Variants in BPIFC observed in about 807,000 individuals in gnomAD.
BPIFC encodes the protein BPI fold containing family C, also known as BPI fold-containing family C protein.
Under a neutral mutation model 57.6 loss-of-function variants are expected in BPIFC, and 60 were observed. That is an observed-to-expected ratio of 1.04 (90% CI 0.85 to 1.29). The LOEUF is 1.29. Ranked by LOEUF, BPIFC falls within the 50% of genes most tolerant of loss-of-function variation. The pLI, the probability that BPIFC is intolerant of heterozygous loss-of-function variation, is 0.00. For missense variants in BPIFC, 581 were observed against 600.5 expected, an observed-to-expected ratio of 0.97 and a Z score of 0.34; for synonymous variants, 243 against 224.5, an observed-to-expected ratio of 1.08 and a Z score of -0.74.
At chr22:32,460,769 T>C (rs1935143659) in intron 2 of BPIFC, among the ~76,000 whole-genome samples, 2 of 152,254 alleles carry the variant, frequency 1.3e-5, no homozygotes, top group Non-Finnish European at 2.9e-5. Flanking sequence ...TACATATTTA[T>C]TCATGCGTGT....
intron 3 of BPIFC, 42 bp from the exon 4 acceptor site, chr22:32,453,545 A>T (rs1462704222): frequency 6.5e-7 from 1 of 1,546,530 alleles, no homozygotes; most frequent in Admixed American, 2.1e-5. Flanking sequence ...AATGACAAAG[A>T]TAATAATAGC....
At chr22:32,447,856 G>A (rs1397380804) in intron 4 of BPIFC, among the ~76,000 whole-genome samples, 2 of 151,882 alleles carry the variant, frequency 1.3e-5, no homozygotes, top group East Asian at 3.9e-4. Context: ...CAAGCCTCCT[G>A]TTTCAGCCTC....
At chr22:32,426,824 A>C (rs567072330) in intron 13 of BPIFC, among the ~76,000 whole-genome samples, 2 of 151,856 alleles carry the variant, frequency 1.3e-5, no homozygotes, top group Non-Finnish European at 2.9e-5. Context: ...CCCGGGGTGC[A>C]GAAGCTCCAG....
chr22:32,446,078 A>G, intron 5 of BPIFC, 82 bp from the exon 6 acceptor site: 1 of 1,515,916 alleles, frequency 6.6e-7, no homozygotes, highest in Non-Finnish European at 9.0e-7. Context: ...CAGAGACTCT[A>G]AGCTCCTGGA....
chr22:32,417,132 T>C lies in BPIFC; in HGVS notation c.1277A>G (p.Asn426Ser), dbSNP rs757942681. Reference sequence around the variant, plus strand: ...AAAGTGAAGAATGGACGATAGAATATTTTCAAACCTCAAGACCTAAAATAA... The same window carrying C: ...AAAGTGAAGAATGGACGATAGAATACTTTCAAACCTCAAGACCTAAAATAA... ...RSNIEVLRFE[N>S]ILSSILHFGV... The change falls in exon 15 of 17, where the codon AAT becomes AGT. Residue 426 changes from asparagine to serine, a missense_variant. Coordinates refer to ENST00000300399, the MANE Select transcript of BPIFC (RefSeq NM_174932.3). 33 of 1,607,036 alleles carry C rather than the reference T, an allele frequency of 2.1e-5. No individual in the cohort carries two copies. Among genetic ancestry groups the C allele is most frequent in the Non-Finnish European group, 2.7e-5 (32 of 1,173,930 alleles).
chr22:32,422,342 C>T (rs759192326), intron 13 of BPIFC, among the ~76,000 whole-genome samples: 5 of 152,116 alleles, frequency 3.3e-5, no homozygotes, highest in Non-Finnish European at 7.4e-5. Context: ...TAGAGAACAA[C>T]ACAAAGCAAG....
rs5998492 is a variant in BPIFC, at chr22:32,442,507, A to C, written c.655+164T>G. On this transcript the variant is annotated intron_variant, in intron 8 of 16. Coordinates refer to ENST00000300399, the MANE Select transcript of BPIFC (RefSeq NM_174932.3). ...TTAGCCAAAGAGTACATATGCCCTA[A>C]GCACAAGGCACATCCTCCCAAGCAC... Among the ~76,000 whole-genome samples, 40,032 of 152,098 alleles carry C rather than the reference A, an allele frequency of 0.26. 5,398 individuals are homozygous for C. The highest frequency in any genetic ancestry group is 0.32 in the African/African-American group (13,134 of 41,490).
In BPIFC at chr22:32,415,983, G is replaced by A. The variant is rs761655827; in HGVS notation, c.1333C>T (p.Gln445Ter). 6.3e-7 allele frequency: 1 copy of A among 1,582,440 alleles called. No homozygotes were observed. Among genetic ancestry groups the A allele is most frequent in the African/African-American group, 1.4e-5 (1 of 71,888 alleles). ...GVLPLANAKL[Q>*]QGFPLSNPHK... Reference sequence around the variant, plus strand: ...GGATTGGACAGAGGAAATCCTTGCTGCAATTTTGCTAAAATATAGAACAAG... The same window carrying A: ...GGATTGGACAGAGGAAATCCTTGCTACAATTTTGCTAAAATATAGAACAAG... Residue 445 changes from glutamine to a stop codon, truncating the protein, a stop_gained, in exon 16 of 17, where the codon CAG becomes TAG. Coordinates refer to ENST00000300399, the MANE Select transcript of BPIFC (RefSeq NM_174932.3). LOFTEE classifies it high-confidence loss of function.
chr22:32,440,695 C>G (rs191205067), intron 8 of BPIFC, among the ~76,000 whole-genome samples: 24 of 152,258 alleles, frequency 1.6e-4, no homozygotes, highest in Non-Finnish European at 3.1e-4. Flanking sequence ...AGGGTTTTAC[C>G]CACCAAAGTC....
chr22:32,418,042 G>T (rs1362715019), intron 14 of BPIFC, among the ~76,000 whole-genome samples: 1 of 152,030 alleles, frequency 6.6e-6, no homozygotes, highest in Non-Finnish European at 1.5e-5. Flanking sequence ...ACGTAAAAAT[G>T]ACAATAACTG....
chr22:32,426,263 C>T (rs916111035), intron 13 of BPIFC, among the ~76,000 whole-genome samples: 10 of 152,032 alleles, frequency 6.6e-5, no homozygotes, highest in African/African-American at 2.4e-4. Flanking sequence ...CCTTTTCCTG[C>T]TGCATCTCTC....
Position 32,419,417 on chromosome 22 carries a change from A to C in BPIFC, c.1218-13T>G. ...AGCAAGGCGGAATCTAAAAGAAAAC[A>C]AGAAAAGTTTAAAGGATTTGAAAAC... On this transcript the variant is annotated splice_polypyrimidine_tract_variant and intron_variant, in intron 13 of 16. Coordinates refer to ENST00000300399, the MANE Select transcript of BPIFC (RefSeq NM_174932.3). 6.2e-7 allele frequency: 1 copy of C among 1,612,114 alleles called. No individual in the cohort carries two copies. Among genetic ancestry groups the C allele is most frequent in the East Asian group, 2.2e-5 (1 of 44,874 alleles).
chr22:32,457,510 A>AATCCATCCATTC, intron 2 of BPIFC, 124 bp from the exon 3 acceptor site: 1 of 1,072,868 alleles, frequency 9.3e-7, no homozygotes, highest in Non-Finnish European at 1.3e-6. Context: ...ACATCCATCC[A>AATCCATCCATTC]ATCCATCCAT....
intron 3 of BPIFC, among the ~76,000 whole-genome samples, chr22:32,454,717 A>T (rs963280667): frequency 6.6e-6 from 1 of 152,196 alleles, no homozygotes; most frequent in Admixed American, 6.5e-5. Context: ...CCAGAAAAAA[A>T]TATTGCAATA....
At chr22:32,421,678 A>G (rs771627151) in intron 13 of BPIFC, among the ~76,000 whole-genome samples, 1 of 152,204 alleles carries the variant, frequency 6.6e-6, no homozygotes, top group Non-Finnish European at 1.5e-5. Flanking sequence ...AATATTTATT[A>G]TGTGTCAGCA....
chr22:32,453,307 T>C, intron 4 of BPIFC, 76 bp downstream of exon 4: 1 of 1,031,524 alleles, frequency 9.7e-7, no homozygotes, highest in East Asian at 2.7e-5. Flanking sequence ...GATGAAATCG[T>C]GGGGCTTCCA....
intron 13 of BPIFC, among the ~76,000 whole-genome samples, chr22:32,428,124 T>C (rs1934118781): frequency 6.6e-6 from 1 of 152,226 alleles, no homozygotes; most frequent in Non-Finnish European, 1.5e-5. Context: ...ACTTTTGTCT[T>C]TGGGGACCTT....
intron 16 of BPIFC, among the ~76,000 whole-genome samples, chr22:32,415,226 A>G (rs1933636976): frequency 6.6e-6 from 1 of 152,126 alleles, no homozygotes; most frequent in Non-Finnish European, 1.5e-5. Flanking sequence ...TCAGGCAGTA[A>G]TGTTCACTCC....
chr22:32,437,335 G>A (rs1409369383), intron 9 of BPIFC, among the ~76,000 whole-genome samples: 2 of 152,144 alleles, frequency 1.3e-5, no homozygotes, highest in African/African-American at 4.8e-5. Flanking sequence ...CCAAGAGCAT[G>A]TATATAGATT....
Sources: gnomAD v4.1 joint callset for allele counts (sites outside exome capture counted in the v4.1 genomes callset) on GRCh38, gnomAD v4.1.1 for gene constraint, MANE v1.5 for transcripts, NCBI Gene and HGNC (gene_info 2026-07-23, HGNC 2026-07-21) for gene names.